MDGA1: variants seen among roughly 807,000 people sequenced by gnomAD.
The protein encoded by MDGA1 is MAM domain containing glycosylphosphatidylinositol anchor 1.
Under a neutral mutation model 101.5 loss-of-function variants are expected in MDGA1, and 54 were observed. That is an observed-to-expected ratio of 0.53 (90% CI 0.43 to 0.67). The LOEUF (loss-of-function observed/expected upper bound fraction) is 0.67, where lower values mean the gene tolerates loss of function less well. Among genes scored for constraint, MDGA1 ranks in the 30% least tolerant of loss-of-function variants. MDGA1 has a pLI of 0.00. For missense variants in MDGA1, 1,083 were observed against 1,323.8 expected (o/e 0.82, Z 2.82); for synonymous variants, 533 against 558.3 (o/e 0.95, Z 0.64).
chr6:37,678,871 G>A (rs1227125588), intron 1 of MDGA1, among the ~76,000 whole-genome samples: 2 of 150,182 alleles, frequency 1.3e-5, no homozygotes, highest in African/African-American at 4.9e-5. Flanking sequence ...TCAACACCCT[G>A]CATATTAAAT....
In MDGA1 at chr6:37,650,151, T is replaced by C; in HGVS notation, c.1567A>G (p.Asn523Asp). ...RCQTARYNGFNVRPREAQVQL... is the reference protein window; with the variant it reads ...RCQTARYNGFDVRPREAQVQL... ...ACCTGGGCCTCACGGGGGCGCACGT[T>C]GAAGCCATTATAGCGGGCCGTCTGG... The change falls in exon 8 of 17, where the codon AAC becomes GAC. Residue 523 changes from asparagine (N) to aspartate (D), a missense_variant. Transcript: ENST00000434837. 1 of 1,609,106 alleles carries C rather than the reference T, an allele frequency of 6.2e-7. No individual in the cohort carries two copies. The highest frequency in any genetic ancestry group is 8.5e-7 in the Non-Finnish European group (1 of 1,176,144).
intron 1 of MDGA1, among the ~76,000 whole-genome samples, chr6:37,664,906 C>CACACACACA (rs1761712840): frequency 1.4e-5 from 2 of 147,590 alleles, no homozygotes; most frequent in African/African-American, 2.5e-5. Context: ...CACACACACA[C>CACACACACA]GGCTGCACAT....
intron 4 of MDGA1, 56 bp from the exon 5 acceptor site, chr6:37,654,988 G>A (rs927769030): frequency 9.7e-5 from 154 of 1,593,358 alleles, no homozygotes; most frequent in Middle Eastern, 6.3e-4. Flanking sequence ...CAGGGATCCC[G>A]CATACTCATT....
Position 37,634,721 on chromosome 6 carries a change from G to A in MDGA1, c.*2647C>T. 6.5e-6 allele frequency: 1 copy of A among 152,918 alleles called. No homozygotes were observed. The highest frequency in any genetic ancestry group is 1.9e-4 in the East Asian group (1 of 5,196). The allele number at this position is 152,918 out of a possible 1,614,324, so 9.5% of individuals were successfully genotyped here. On this transcript the variant is annotated 3_prime_UTR_variant, in exon 17 of 17. Coordinates refer to ENST00000434837, the MANE Select transcript of MDGA1 (RefSeq NM_153487.4). This position sits in a 1 kb window ranked among gnomAD's most constrained non-coding sequence, Gnocchi z 4.7. Reference sequence around the variant, plus strand: ...CAGGTCAAGCCATCCTCAAGGCAGGGCTGTCTGCACCCACTGAGACCTCCA... The same window carrying A: ...CAGGTCAAGCCATCCTCAAGGCAGGACTGTCTGCACCCACTGAGACCTCCA...
Position 37,649,284 on chromosome 6 carries a change from G to C in MDGA1, c.1610-18C>G. ...CGGCGGGACTGGGGGCGGGAGCGGCGGTCAGCGGGGCCTCTCCCCAGCGAG... is the reference window on the plus strand; with the variant it reads ...CGGCGGGACTGGGGGCGGGAGCGGCCGTCAGCGGGGCCTCTCCCCAGCGAG... On this transcript the variant is annotated intron_variant, in intron 8 of 16. Coordinates refer to ENST00000434837, the MANE Select transcript of MDGA1 (RefSeq NM_153487.4). 1 of 1,467,028 alleles carries C rather than the reference G, an allele frequency of 6.8e-7. No homozygotes were observed. The highest frequency in any genetic ancestry group is 1.4e-5 in the South Asian group (1 of 73,326). 90.9% of individuals were successfully genotyped at this position (1,467,028 alleles called of 1,614,324 possible). A position where few individuals can be genotyped will look rare whatever the true frequency, so the allele number is the denominator to read the frequency against.
Position 37,644,477 on chromosome 6 carries a change from G to C in MDGA1, c.2401+20C>G. On this transcript the variant is annotated intron_variant, in intron 13 of 16. Transcript: ENST00000434837. ...CCCCTGAAGCAATCCTCCATTTCTG[G>C]CAGCAGGCCAGGTCCTCACCCTCAG... is the stretch of plus-strand genomic sequence containing the variant. 1 of 1,522,124 alleles carries C rather than the reference G, an allele frequency of 6.6e-7. No homozygotes were observed. The highest frequency in any genetic ancestry group is 2.4e-5 in the East Asian group (1 of 40,896). The allele number at this position is 1,522,124 out of a possible 1,614,324, so 94.3% of individuals were successfully genotyped here.
rs966339672 is a variant in MDGA1 at position 37,631,822 on chromosome 6, T to G, written c.*5546A>C. On this transcript the variant is annotated 3_prime_UTR_variant, in exon 17 of 17. Transcript: ENST00000434837. ...TTAGGGCAAGGATGCAGCTAGCTGGTGGTGAATAAGGGAGGCAGCCCCAAG... is the reference window on the plus strand; with the variant it reads ...TTAGGGCAAGGATGCAGCTAGCTGGGGGTGAATAAGGGAGGCAGCCCCAAG... 1 of 152,068 alleles carries G rather than the reference T, an allele frequency of 6.6e-6. No individual in the cohort carries two copies. The allele number at this position is 152,068 out of a possible 1,614,324, so 9.4% of individuals were successfully genotyped here.
At chr6:37,660,171 C>T (rs1761589052) in intron 2 of MDGA1, among the ~76,000 whole-genome samples, 1 of 127,078 alleles carries the variant, frequency 7.9e-6, no homozygotes, top group Non-Finnish European at 1.7e-5. Flanking sequence ...TGCCACCACA[C>T]CTGGCTAATT....
rs747350598 is a variant in MDGA1 at position 37,664,099 on chromosome 6, G to C, written c.75C>G (p.Ala25=). 3 of 1,613,832 alleles carry C rather than the reference G, an allele frequency of 1.9e-6. No individual in the cohort carries two copies. Among genetic ancestry groups the C allele is most frequent in the Non-Finnish European group, 2.5e-6 (3 of 1,179,848 alleles). ...GGCCCGCATGCACGATCTGCGCCTG[G>C]GCTGGAGCTGGCAGGAGAGGATGGA... ...HCRGQGVYAP[A]QAQIVHAGQA... is the part of the protein sequence containing the mutation. The change falls in exon 2 of 17, where the codon GCC becomes GCG. Residue 25 remains alanine (A), a synonymous_variant. Coordinates refer to ENST00000434837, the MANE Select transcript of MDGA1 (RefSeq NM_153487.4).
chr6:37,677,717 T>C (rs1340903384), intron 1 of MDGA1, among the ~76,000 whole-genome samples: 1 of 152,144 alleles, frequency 6.6e-6, no homozygotes, highest in East Asian at 1.9e-4. Context: ...ATAATAACAA[T>C]AACAACAATG....
chr6:37,635,474 G>A lies in MDGA1; in HGVS notation c.*1894C>T. On this transcript the variant is annotated 3_prime_UTR_variant, in exon 17 of 17. Coordinates refer to ENST00000434837, the MANE Select transcript of MDGA1 (RefSeq NM_153487.4). ...CCTGGAGCGACTCATTTCAGACAGAGGCCTTGACTGGGTCAGGAAGGCAGC... is the reference window on the plus strand; with the variant it reads ...CCTGGAGCGACTCATTTCAGACAGAAGCCTTGACTGGGTCAGGAAGGCAGC... 2.5e-6 allele frequency: 1 copy of A among 398,596 alleles called. No individual in the cohort carries two copies. Among genetic ancestry groups the A allele is most frequent in the Admixed American group, 4.4e-5 (1 of 22,718 alleles). 24.7% of individuals were successfully genotyped at this position (398,596 alleles called of 1,614,324 possible).
At chr6:37,666,747 G>T (rs1160215156) in intron 1 of MDGA1, among the ~76,000 whole-genome samples, 1 of 152,192 alleles carries the variant, frequency 6.6e-6, no homozygotes, top group Non-Finnish European at 1.5e-5. Flanking sequence ...GGGGACATAA[G>T]AGAGATATAG....
chr6:37,669,486 T>C (rs1051943176), intron 1 of MDGA1, among the ~76,000 whole-genome samples: 20 of 152,314 alleles, frequency 1.3e-4, no homozygotes, highest in African/African-American at 3.8e-4. Flanking sequence ...TCCTCACTAG[T>C]AGTACATTAC....
chr6:37,697,857 C>T lies in MDGA1; in HGVS notation c.-1046G>A, dbSNP rs1008452539. The stretch of plus-strand genomic sequence containing the variant: ...GGCTCCGGGCCGCGGGAGCGCTCCG[C>T]TCGCTCAGCAACTTGGGCTTTGCTG... On this transcript the variant is annotated 5_prime_UTR_variant, in exon 1 of 17. Coordinates refer to ENST00000434837, the MANE Select transcript of MDGA1 (RefSeq NM_153487.4). 4 of 150,838 alleles carry T rather than the reference C, an allele frequency of 2.7e-5. No homozygotes were observed. The highest frequency in any genetic ancestry group is 7.3e-5 in the African/African-American group (3 of 41,308). The allele number at this position is 150,838 out of a possible 1,614,324, so 9.3% of individuals were successfully genotyped here. A position where few individuals can be genotyped will look rare whatever the true frequency, so the allele number is the denominator to read the frequency against.
intron 1 of MDGA1, among the ~76,000 whole-genome samples, chr6:37,672,437 C>A (rs547956812): frequency 6.6e-6 from 1 of 152,188 alleles, no homozygotes; most frequent in South Asian, 2.1e-4. Context: ...AGACCCCTAT[C>A]AAAAAAACAA....
intron 8 of MDGA1, chr6:37,649,903 A>G: frequency 1.4e-6 from 1 of 730,098 alleles, no homozygotes; most frequent in South Asian, 1.5e-5. Flanking sequence ...CCTGAAAATG[A>G]AGATGGGAGA....
rs1479444023 is a variant in MDGA1 at position 37,684,271 on chromosome 6, T to G, written c.67+12474A>C. On this transcript the variant is annotated intron_variant, in intron 1 of 16. Coordinates refer to ENST00000434837, the MANE Select transcript of MDGA1 (RefSeq NM_153487.4). ...ACTGGCAGCAACCTCCAGTTCACACTACCAAGCAGGCTCACCTTCCTACCC... is the reference window on the plus strand; with the variant it reads ...ACTGGCAGCAACCTCCAGTTCACACGACCAAGCAGGCTCACCTTCCTACCC... Among the ~76,000 whole-genome samples the G allele has an allele frequency of 3.9e-5, 6 of 152,282 alleles. No homozygotes were observed. The East Asian group carries it at 9.6e-4, about 24-fold the overall frequency.
In MDGA1 at chr6:37,650,324, A is replaced by C. The variant is rs1164907878; in HGVS notation, c.1394T>G (p.Val465Gly). 2 of 1,587,654 alleles carry C rather than the reference A, an allele frequency of 1.3e-6. No homozygotes were observed. The highest frequency in any genetic ancestry group is 1.7e-6 in the Non-Finnish European group (2 of 1,169,746). ...EGSPAELQCE[V>G]RGKPRPPVLW... The stretch of plus-strand genomic sequence containing the variant: ...CACTGGCGGCCGCGGCTTGCCCCGC[A>C]CCTCGCATTGCAGCTCGGCAGGCGA... The change falls in exon 8 of 17, where the codon GTG (valine) becomes GGG (glycine). Residue 465 changes from valine to glycine, a missense_variant. By Grantham distance (109) the Val-to-Gly change is moderately radical. Around this residue, in one of 3 missense-constraint regions of MDGA1, gnomAD observed 657 missense variants for 771.4 expected, o/e 0.85. Coordinates refer to ENST00000434837, the MANE Select transcript of MDGA1 (RefSeq NM_153487.4).
At chr6:37,640,069 G>A (rs776352829) in intron 14 of MDGA1, among the ~76,000 whole-genome samples, 2 of 152,194 alleles carry the variant, frequency 1.3e-5, no homozygotes, top group Non-Finnish European at 2.9e-5. Context: ...AGAGTGGTCT[G>A]GGCCTGGGGA....
Sources: gnomAD v4.1 joint callset for allele counts (sites outside exome capture counted in the v4.1 genomes callset) on GRCh38, gnomAD v4.1.1 for gene constraint, gnomAD v4.1.1 regional missense constraint, Gnocchi (gnomAD v3.1) non-coding constraint, MANE v1.5 for transcripts, NCBI Gene and HGNC (gene_info 2026-07-23, HGNC 2026-07-21) for gene names.